Variants in UPF3B observed in about 807,000 individuals in gnomAD.
The protein encoded by UPF3B is regulator of nonsense transcripts 3B.
In UPF3B, 7 loss-of-function variants were observed where a neutral mutation model predicts 40.3. The observed-to-expected ratio is 0.17, with a 90% CI of 0.10 to 0.33. UPF3B has a LOEUF of 0.33. Among genes scored for constraint, UPF3B ranks in the 10% least tolerant of loss-of-function variants. The pLI, the probability that UPF3B is intolerant of heterozygous loss-of-function variation, is 1.00. For synonymous variants in UPF3B, 117 were observed against 117.3 expected, an observed-to-expected ratio of 1.00 and a Z score of 0.01; for missense variants, 229 against 358.9, an observed-to-expected ratio of 0.64 and a Z score of 2.93.
chrX:119,845,171 C>G (rs2056212282), intron 4 of UPF3B, 27 bp downstream of exon 4: 1 of 1,116,160 alleles, frequency 9.0e-7, no homozygotes, highest in Admixed American at 2.2e-5. Context: ...ACAGCAATAG[C>G]ATTATATAAT....
chrX:119,823,563 T>C (rs1158953725), intron 3 of UPF3B, among the ~76,000 whole-genome samples: 1 of 96,967 alleles, frequency 1.0e-5, no homozygotes. Flanking sequence ...TTCCTCTTTT[T>C]TTTTTTTTTT....
chrX:119,822,807 C>A, intron 4 of UPF3B: 1 of 187,553 alleles, frequency 5.3e-6, no homozygotes, highest in Non-Finnish European at 8.6e-6. Flanking sequence ...TGGGTTTCAC[C>A]ATGTTGGCCA....
Position 119,815,342 on chromosome X carries a change from A to G in UPF3B, c.495-35T>C, listed in dbSNP as rs766464395. On this transcript the variant is annotated intron_variant, in intron 4 of 6. Transcript: ENST00000636792. The stretch of plus-strand genomic sequence containing the variant: ...AATGAAATATGTTACTGTTACAACA[A>G]TGCTGCTAAGCTTTTACGTGGGATT... The G allele has an allele frequency of 1.2e-5, 8 of 663,927 alleles. No individual in the cohort carries two copies. The African/African-American group carries it at 1.7e-4, about 14-fold the overall frequency. 54.7% of individuals were successfully genotyped at this position (663,927 alleles called of 1,213,427 possible).
chrX:119,811,350 C>T (rs2055826364), intron 5 of UPF3B, among the ~76,000 whole-genome samples: 1 of 110,350 alleles, frequency 9.1e-6, no homozygotes, highest in African/African-American at 3.3e-5. Context: ...ATCATCTGTT[C>T]TTTTAAAAAT....
At chrX:119,845,452 A>C (rs184279792) in intron 3 of UPF3B, among the ~76,000 whole-genome samples, 156 bp from the exon 4 acceptor site, 149 of 112,405 alleles carry the variant, frequency 1.3e-3, no homozygotes, top group African/African-American at 4.6e-3. Flanking sequence ...ACCATAATCA[A>C]CATACTACAA....
intron 5 of UPF3B, among the ~76,000 whole-genome samples, chrX:119,814,935 G>GGCTTACT (rs1569458607): frequency 1.0e-5 from 1 of 98,377 alleles, no homozygotes; most frequent in Non-Finnish European, 2.0e-5. Flanking sequence ...GCAAGATCAC[G>GGCTTACT]GCTTACTGCA....
At chrX:119,811,739 C>T (rs1421580399) in intron 5 of UPF3B, among the ~76,000 whole-genome samples, 1 of 110,738 alleles carries the variant, frequency 9.0e-6, no homozygotes, top group Non-Finnish European at 1.9e-5. Context: ...ATTGCTTGAG[C>T]CCAAGAGTTT....
downstream of UPF3B, among the ~76,000 whole-genome samples, chrX:119,832,353 G>A (rs1017361291): frequency 1.8e-5 from 2 of 111,953 alleles, no homozygotes; most frequent in African/African-American, 6.5e-5. Context: ...CTGCCTCCCA[G>A]GTTCAAGCAA....
downstream of UPF3B, among the ~76,000 whole-genome samples, chrX:119,829,469 C>T (rs956323460): frequency 6.2e-5 from 7 of 112,083 alleles, no homozygotes; most frequent in African/African-American, 1.9e-4. Flanking sequence ...TCTGGCTTCC[C>T]TGTCCCATAA....
At chrX:119,843,408 G>A (rs2056190771) in intron 4 of UPF3B, 107 bp from the exon 5 acceptor site, 1 of 602,872 alleles carries the variant, frequency 1.7e-6, no homozygotes, top group Admixed American at 3.3e-5. Flanking sequence ...TTACTTCGTG[G>A]AAGATTAAAA....
chrX:119,820,625 A>C (rs1306923747), intron 4 of UPF3B, among the ~76,000 whole-genome samples: 1 of 90,037 alleles, frequency 1.1e-5, no homozygotes, highest in African/African-American at 5.4e-5. Context: ...AAGCCTGGCC[A>C]ATTTTTTTTT....
At chrX:119,843,335 T>C (rs778555682) in intron 4 of UPF3B, 34 bp from the exon 5 acceptor site, 5 of 945,021 alleles carry the variant, frequency 5.3e-6, no homozygotes, top group Non-Finnish European at 7.6e-6. Flanking sequence ...GAAAATATAA[T>C]AGACTTTAAA....
At position 119,841,119 on chromosome X, in the gene UPF3B, C is replaced by T. The variant is rs142862074; in HGVS notation, c.764G>A (p.Arg255Lys). The T allele has an allele frequency of 3.8e-4, 456 of 1,205,647 alleles. 3 individuals are homozygous for T. The African/African-American group carries it at 7.2e-3, about 19-fold the overall frequency. ...KDIEKLKKID[R>K]IPERDKLKDE... The stretch of plus-strand genomic sequence containing the variant: ...CTTTAATTTGTCCCTTTCTGGAATT[C>T]TGTCTATCTTCTTTAGCTTTTCTAT... The change falls in exon 7 of 11, where the codon AGA becomes AAA. Residue 255 changes from arginine to lysine, a missense_variant. Arg to Lys is a conservative substitution (Grantham distance 26). Around this residue, in one of 3 missense-constraint regions of UPF3B, gnomAD observed 87 missense variants for 184.2 expected, o/e 0.47. Coordinates refer to ENST00000276201, the MANE Select transcript of UPF3B (RefSeq NM_080632.3).
intron 4 of UPF3B, chrX:119,815,337 C>A (rs2055856251): frequency 6.0e-6 from 4 of 665,145 alleles, no homozygotes; most frequent in Non-Finnish European, 7.2e-6. Context: ...GTTACTGTTA[C>A]AACAATGCTG....
chrX:119,852,646 G>C, intron 1 of UPF3B, 127 bp downstream of exon 1: 1 of 1,055,944 alleles, frequency 9.5e-7, no homozygotes, highest in Non-Finnish European at 1.3e-6. Flanking sequence ...AGGATGATGC[G>C]ACTTCCATTC....
intron 8 of UPF3B, among the ~76,000 whole-genome samples, chrX:119,839,559 A>C (rs1307008557): frequency 8.9e-6 from 1 of 112,403 alleles, no homozygotes; most frequent in African/African-American, 3.2e-5. Flanking sequence ...TAGGCAAAAT[A>C]GAAGAATTTC....
chrX:119,841,684 C>T, intron 6 of UPF3B, 51 bp downstream of exon 6: 1 of 1,098,798 alleles, frequency 9.1e-7, no homozygotes, highest in South Asian at 1.9e-5. Context: ...TTATAGAATG[C>T]AAAGCAAAGA....
intron 3 of UPF3B, among the ~76,000 whole-genome samples, chrX:119,846,505 TAAAAAAAA>T (rs780880120): frequency 5.2e-5 from 3 of 58,092 alleles, no homozygotes; most frequent in Admixed American, 2.3e-4. Context: ...TCGAGCCTGG[TAAAAAAAA>T]AAAAAAAAAA....
intron 6 of UPF3B, among the ~76,000 whole-genome samples, chrX:119,806,049 CATT>C (rs1228587096): frequency 3.7e-5 from 3 of 80,071 alleles, no homozygotes; most frequent in African/African-American, 9.5e-5. Flanking sequence ...TTTACTGCGG[CATT>C]ATTCACAATA....
Sources: gnomAD v4.1 joint callset for allele counts (sites outside exome capture counted in the v4.1 genomes callset) on GRCh38, gnomAD v4.1.1 for gene constraint, gnomAD v4.1.1 regional missense constraint, MANE v1.5 for transcripts, NCBI Gene and HGNC (gene_info 2026-07-23, HGNC 2026-07-21) for gene names.